TRIP11: variants seen among roughly 807,000 people sequenced by gnomAD.
TRIP11 encodes the protein thyroid hormone receptor interactor 11.
Under a neutral mutation model 223.1 loss-of-function variants are expected in TRIP11, and 148 were observed. The observed-to-expected ratio is 0.66, with a 90% CI of 0.58 to 0.76. The LOEUF is 0.76. Among genes scored for constraint, TRIP11 ranks in the 30% least tolerant of loss-of-function variants. The probability of loss-of-function intolerance (pLI) is 0.00; values close to 1 mark genes in which losing one functional copy is unlikely to be tolerated. For missense variants in TRIP11, 2,043 were observed against 2,222.0 expected, an observed-to-expected ratio of 0.92 and a Z score of 1.62; for synonymous variants, 762 against 772.6, an observed-to-expected ratio of 0.99 and a Z score of 0.23.
chr14:92,019,821 T>C (rs2057086854), intron 4 of TRIP11, among the ~76,000 whole-genome samples: 1 of 152,192 alleles, frequency 6.6e-6, no homozygotes, highest in African/African-American at 2.4e-5. Context: ...AAATTTTGGT[T>C]CACACACAAG....
At chr14:92,006,502 A>T in intron 10 of TRIP11, 54 bp from the exon 11 acceptor site, 1 of 1,578,784 alleles carries the variant, frequency 6.3e-7, no homozygotes, top group South Asian at 1.1e-5. Context: ...TTTAGTACTC[A>T]AAGAAAATTT....
chr14:92,026,833 T>A, intron 2 of TRIP11: 1 of 1,425,464 alleles, frequency 7.0e-7, no homozygotes, highest in Non-Finnish European at 9.8e-7. Context: ...CAGCTGAAGA[T>A]GATGAGGATG....
intron 11 of TRIP11, 139 bp from the exon 12 acceptor site, chr14:92,000,247 G>T: frequency 7.3e-7 from 1 of 1,371,800 alleles, no homozygotes; most frequent in Non-Finnish European, 9.9e-7. Context: ...AGTAGGCTCA[G>T]AGAGACTCCT....
At position 92,006,098 on chromosome 14, in the gene TRIP11, CTCAT is replaced by C. The variant is rs1291082888; in HGVS notation, c.1874_1877del (p.Asn625SerfsTer2). Reference sequence around the variant, plus strand: ...AGTCTTGATTTAGAGACTGCATTAACTCATTCCTTATTCTAGAAAGCTCCTCCTC... The same window carrying C: ...AGTCTTGATTTAGAGACTGCATTAACTCCTTATTCTAGAAAGCTCCTCCTC... On this transcript the variant is annotated frameshift_variant, in exon 11 of 21. Transcript: ENST00000267622. LOFTEE classifies it high-confidence loss of function. 4 of 1,605,246 alleles carry C rather than the reference CTCAT, an allele frequency of 2.5e-6. No individual in the cohort carries two copies. The highest frequency in any genetic ancestry group is 2.5e-6 in the Non-Finnish European group (3 of 1,177,236).
intron 16 of TRIP11, among the ~76,000 whole-genome samples, chr14:91,986,487 A>G (rs567143569): frequency 1.2e-4 from 18 of 152,282 alleles, no homozygotes; most frequent in Admixed American, 3.9e-4. Flanking sequence ...AGCATTTCAG[A>G]CTTTGGATTA....
chr14:91,990,630 G>A (rs1303055297), intron 15 of TRIP11, among the ~76,000 whole-genome samples: 2 of 152,216 alleles, frequency 1.3e-5, no homozygotes, highest in Non-Finnish European at 2.9e-5. Flanking sequence ...CACTGGTGAA[G>A]AGCCACTGCA....
At chr14:91,985,347 T>A (rs1254675191) in intron 16 of TRIP11, among the ~76,000 whole-genome samples, 1 of 152,198 alleles carries the variant, frequency 6.6e-6, no homozygotes, top group East Asian at 1.9e-4. Context: ...CTGATAAGCA[T>A]CTGTCTTCAT....
chr14:92,035,382 A>AT (rs1344818955), intron 1 of TRIP11, among the ~76,000 whole-genome samples: 4 of 151,656 alleles, frequency 2.6e-5, no homozygotes, highest in Non-Finnish European at 5.9e-5. Flanking sequence ...AAGTACTAGT[A>AT]TTTTTTTCAT....
At position 91,995,701 on chromosome 14, in the gene TRIP11, C is replaced by T. The variant is rs111429556; in HGVS notation, c.4893-186G>A. Among the ~76,000 whole-genome samples the T allele has an allele frequency of 0.16, 23,826 of 151,550 alleles. 2,488 individuals carry two copies. The highest frequency in any genetic ancestry group is 0.3 in the African/African-American group (12,325 of 41,226). Reference sequence around the variant, plus strand: ...CACAATCTCAGCTCACTGCAACCTCCACCTCCTAGGTTCCAGCGATTCTCC... The same window carrying T: ...CACAATCTCAGCTCACTGCAACCTCTACCTCCTAGGTTCCAGCGATTCTCC... On this transcript the variant is annotated intron_variant, in intron 13 of 20. Coordinates refer to ENST00000267622, the MANE Select transcript of TRIP11 (RefSeq NM_004239.4).
Position 92,027,092 on chromosome 14 carries a change from A to G in TRIP11, c.202-1672T>C, listed in dbSNP as rs2003720. 6.5e-3 allele frequency among the ~76,000 whole-genome samples: 989 copies of G among 152,238 alleles called. 5 individuals carry two copies. The highest frequency in any genetic ancestry group is 0.01 in the Non-Finnish European group (705 of 68,028). ...TTGCAACAGGGGAGGAAAAAGAACC[A>G]AAACTTCCAAGGCCCTGCTTTTTTT... is the stretch of plus-strand genomic sequence containing the variant. On this transcript the variant is annotated intron_variant, in intron 2 of 20. Transcript: ENST00000267622.
intron 16 of TRIP11, among the ~76,000 whole-genome samples, chr14:91,981,856 T>C (rs188667764): frequency 1.9e-3 from 290 of 152,192 alleles, no homozygotes; most frequent in Admixed American, 3.3e-3. Flanking sequence ...TCATGCCTCT[T>C]GTAATCCTAG....
chr14:92,022,041 C>T (rs2057122387), intron 3 of TRIP11, among the ~76,000 whole-genome samples: 1 of 152,108 alleles, frequency 6.6e-6, no homozygotes, highest in South Asian at 2.1e-4. Context: ...AATAATGTTA[C>T]AAATAGTAGA....
intron 7 of TRIP11, among the ~76,000 whole-genome samples, chr14:92,013,828 G>GT (rs540621605): frequency 4.3e-4 from 66 of 152,304 alleles, no homozygotes; most frequent in African/African-American, 1.5e-3. Flanking sequence ...TACTGGTACA[G>GT]TAACTAAATA....
chr14:92,014,542 T>C lies in TRIP11; in HGVS notation c.859A>G (p.Ile287Val). 1 of 1,602,734 alleles carries C rather than the reference T, an allele frequency of 6.2e-7. No individual in the cohort carries two copies. The highest frequency in any genetic ancestry group is 2.2e-5 in the East Asian group (1 of 44,732). ...TGAATAGTTTTTTGCATCTCATAGA[T>C]TTTAGAGAGATCAGTTTCTATAACT... ...SGVIETDLSK[I>V]YEMQKTIQVL... The change falls in exon 7 of 21, where the codon ATC becomes GTC. Residue 287 changes from isoleucine (I) to valine (V), a missense_variant. Coordinates refer to ENST00000267622, the MANE Select transcript of TRIP11 (RefSeq NM_004239.4).
chr14:92,025,431 A>G lies in TRIP11; in HGVS notation c.202-11T>C, dbSNP rs561503305. 3 of 1,602,178 alleles carry G rather than the reference A, an allele frequency of 1.9e-6. No homozygotes were observed. In the African/African-American group the frequency reaches 4.0e-5, roughly 21 times the overall value. ...CTTAAGCCTTTCATTCTAGAAAAAA[A>G]AAGTATTTTCAACAAAAAGACTGCA... On this transcript the variant is annotated splice_polypyrimidine_tract_variant and intron_variant, in intron 2 of 20. Transcript: ENST00000267622.
intron 13 of TRIP11, among the ~76,000 whole-genome samples, chr14:91,998,564 G>T (rs1385147197): frequency 6.6e-6 from 1 of 151,838 alleles, no homozygotes; most frequent in African/African-American, 2.4e-5. Context: ...TTTAAAAAGG[G>T]TATATAATGT....
chr14:91,967,572 G>A lies in TRIP11; in HGVS notation c.*2101C>T, dbSNP rs751521022. ...TACGTTAAACCATGGGATGAGAGGC[G>A]GACAAGTTGTTTTGGTCAGAGAAGG... On this transcript the variant is annotated 3_prime_UTR_variant, in exon 21 of 21. Coordinates refer to ENST00000267622, the MANE Select transcript of TRIP11 (RefSeq NM_004239.4). 3.0e-5 allele frequency: 6 copies of A among 201,370 alleles called. No homozygotes were observed. Among genetic ancestry groups the A allele is most frequent in the African/African-American group, 6.9e-5 (3 of 43,502 alleles). The allele number at this position is 201,370 out of a possible 1,614,324, so 12.5% of individuals were successfully genotyped here. A position where few individuals can be genotyped will look rare whatever the true frequency, so the allele number is the denominator to read the frequency against.
chr14:91,975,319 A>T, intron 17 of TRIP11, 33 bp from the exon 18 acceptor site: 3 of 1,433,816 alleles, frequency 2.1e-6, no homozygotes, highest in Non-Finnish European at 2.9e-6. Flanking sequence ...AGCTCAAGTG[A>T]ACTCAACATT....
chr14:91,980,598 A>G (rs2056525577), intron 16 of TRIP11, among the ~76,000 whole-genome samples: 1 of 152,224 alleles, frequency 6.6e-6, no homozygotes, highest in African/African-American at 2.4e-5. Context: ...ATTTCTTAAA[A>G]TAACTAAAAA....
Sources: allele counts gnomAD v4.1 joint callset (sites outside exome capture counted in the v4.1 genomes callset), GRCh38; gene constraint gnomAD v4.1.1; transcripts MANE v1.5; gene names NCBI Gene and HGNC (gene_info 2026-07-23, HGNC 2026-07-21).